Variants in ELMO1 observed in about 807,000 individuals in gnomAD.
ELMO1 encodes the protein engulfment and cell motility 1.
A neutral mutation model predicts 98.9 loss-of-function variants in ELMO1; 26 were observed. The ratio of observed to expected loss-of-function variants is 0.26; its 90% CI spans 0.19 to 0.36. ELMO1 has a LOEUF of 0.36. Among genes scored for constraint, ELMO1 ranks in the 10% least tolerant of loss-of-function variants. The pLI is 1.00. For missense variants in ELMO1, 627 were observed against 935.2 expected (o/e 0.67, Z 4.30); for synonymous variants, 346 against 346.0 (o/e 1.00, Z 0.00).
chr7:36,885,223 A>T (rs1804848629), intron 18 of ELMO1, among the ~76,000 whole-genome samples: 1 of 152,198 alleles, frequency 6.6e-6, no homozygotes. Flanking sequence ...AGCTCAACTC[A>T]TAAATTTATA....
chr7:36,976,030 C>T (rs1235486858), intron 16 of ELMO1, among the ~76,000 whole-genome samples: 9 of 152,052 alleles, frequency 5.9e-5, no homozygotes, highest in African/African-American at 2.2e-4. Flanking sequence ...ATGTAAAAGC[C>T]GAAATACTAA....
intron 15 of ELMO1, among the ~76,000 whole-genome samples, chr7:37,060,434 A>C (rs1417801757): frequency 1.3e-5 from 2 of 152,146 alleles, no homozygotes; most frequent in East Asian, 3.9e-4. Context: ...GCATATTCTC[A>C]CTTATAAGTG....
At position 37,082,750 on chromosome 7, in the gene ELMO1, G is replaced by A. The variant is rs1037920389; in HGVS notation, c.1300+13869C>T. On this transcript the variant is annotated intron_variant, in intron 15 of 21. Transcript: ENST00000310758. ...AAACAAACAAACAAACAAACAAACA[G>A]AAAAGCCCATTTTGCTTAATTCTCT... 2.1e-5 allele frequency among the ~76,000 whole-genome samples: 3 copies of A among 144,380 alleles called. No homozygotes were observed. The South Asian group carries it at 6.7e-4, about 32-fold the overall frequency. 94.7% of individuals were successfully genotyped at this position (144,380 alleles called of 152,430 possible).
At chr7:37,089,349 C>T (rs1783948469) in intron 15 of ELMO1, among the ~76,000 whole-genome samples, 1 of 151,682 alleles carries the variant, frequency 6.6e-6, no homozygotes. Context: ...TTCTTTCTTG[C>T]TTTTTTTTAA....
At chr7:37,237,250 T>C (rs566409254) in intron 7 of ELMO1, among the ~76,000 whole-genome samples, 4 of 152,342 alleles carry the variant, frequency 2.6e-5, no homozygotes, top group African/African-American at 9.6e-5. Flanking sequence ...TGCTTCCAAA[T>C]GTTTCCATGG....
intron 16 of ELMO1, among the ~76,000 whole-genome samples, chr7:36,936,463 T>A (rs1786540879): frequency 1.3e-5 from 2 of 152,122 alleles, no homozygotes; most frequent in South Asian, 4.1e-4. Context: ...GATTTTTTAG[T>A]TTTATTTTTT....
intron 6 of ELMO1, among the ~76,000 whole-genome samples, chr7:37,249,666 T>C (rs1158074484): frequency 1.3e-5 from 2 of 152,358 alleles, no homozygotes; most frequent in East Asian, 3.9e-4. Flanking sequence ...TGCAAGCTAT[T>C]GGGCTATTCT....
At chr7:37,164,481 T>G (rs908756311) in intron 13 of ELMO1, among the ~76,000 whole-genome samples, 2 of 152,254 alleles carry the variant, frequency 1.3e-5, no homozygotes, top group Non-Finnish European at 2.9e-5. Context: ...GTCTAACATT[T>G]AAATCTTTAA....
chr7:37,166,624 C>T (rs1449971718), intron 13 of ELMO1, among the ~76,000 whole-genome samples: 1 of 152,122 alleles, frequency 6.6e-6, no homozygotes, highest in African/African-American at 2.4e-5. Context: ...GCAGGTTGTT[C>T]AGTTTCCATG....
chr7:37,204,283 C>A (rs569052705), intron 13 of ELMO1: 17 of 451,318 alleles, frequency 3.8e-5, no homozygotes, highest in Middle Eastern at 1.3e-3. Context: ...GAGTTTGTTC[C>A]TTCTGATGTT....
In ELMO1 at chr7:36,855,179, G is replaced by A; in HGVS notation, c.*372C>T. 1 of 275,978 alleles carries A rather than the reference G, an allele frequency of 3.6e-6. No individual in the cohort carries two copies. Among genetic ancestry groups the A allele is most frequent in the Non-Finnish European group, 7.0e-6 (1 of 142,196 alleles). 17.1% of individuals were successfully genotyped at this position (275,978 alleles called of 1,614,324 possible). Reference sequence around the variant, plus strand: ...TTGGGGCACTGCCCTTGGTCTGGTGGGCAAGTTTTTGGGCAGTCTGGGGCT... The same window carrying A: ...TTGGGGCACTGCCCTTGGTCTGGTGAGCAAGTTTTTGGGCAGTCTGGGGCT... On this transcript the variant is annotated 3_prime_UTR_variant, in exon 22 of 22. Coordinates refer to ENST00000310758, the MANE Select transcript of ELMO1 (RefSeq NM_014800.11). The surrounding 1 kb of genome is among the most constrained non-coding windows in gnomAD (Gnocchi z 4.2).
intron 14 of ELMO1, among the ~76,000 whole-genome samples, chr7:37,102,703 C>T (rs1356756336): frequency 3.3e-5 from 5 of 152,218 alleles, no homozygotes. Context: ...ACTAAGCCAT[C>T]TCACTGTACA....
intron 1 of ELMO1, among the ~76,000 whole-genome samples, chr7:37,401,846 T>C (rs1429652805): frequency 6.6e-6 from 1 of 152,174 alleles, no homozygotes; most frequent in Non-Finnish European, 1.5e-5. Context: ...GAGAGACTCC[T>C]TCCCTATACC....
intron 15 of ELMO1, among the ~76,000 whole-genome samples, chr7:37,082,077 A>C (rs1797892299): frequency 1.3e-5 from 2 of 152,210 alleles, no homozygotes; most frequent in Non-Finnish European, 2.9e-5. Context: ...ACTTGCAGAA[A>C]TGTTAATAGC....
intron 14 of ELMO1, among the ~76,000 whole-genome samples, chr7:37,129,791 T>A (rs1358629910): frequency 2.6e-5 from 4 of 152,212 alleles, no homozygotes. Flanking sequence ...ATTCTCATCT[T>A]CATTTAAAAC....
intron 1 of ELMO1, among the ~76,000 whole-genome samples, chr7:37,406,580 C>G (rs1803774766): frequency 6.6e-6 from 1 of 151,922 alleles, no homozygotes; most frequent in Admixed American, 6.6e-5. Context: ...CAGGCAGCTA[C>G]CATCACGCCC....
chr7:37,389,481 A>T (rs1284628747), intron 1 of ELMO1, among the ~76,000 whole-genome samples: 1 of 152,226 alleles, frequency 6.6e-6, no homozygotes, highest in Admixed American at 6.5e-5. Flanking sequence ...CATGTAGACC[A>T]GTATGTCTAT....
chr7:36,893,600 CCT>C (rs1255920062), intron 17 of ELMO1, among the ~76,000 whole-genome samples: 17 of 152,298 alleles, frequency 1.1e-4, no homozygotes, highest in African/African-American at 3.6e-4. Flanking sequence ...TAGCTATTGT[CCT>C]TTTAGACCTG....
chr7:37,056,342 A>T (rs1321454964), intron 15 of ELMO1, among the ~76,000 whole-genome samples: 3 of 152,224 alleles, frequency 2.0e-5, no homozygotes, highest in African/African-American at 4.8e-5. Context: ...GTTCACAACG[A>T]GATAAATAAT....
Sources: allele counts gnomAD v4.1 joint callset (sites outside exome capture counted in the v4.1 genomes callset), GRCh38; gene constraint gnomAD v4.1.1; non-coding constraint Gnocchi (gnomAD v3.1); transcripts MANE v1.5; gene names NCBI Gene and HGNC (gene_info 2026-07-23, HGNC 2026-07-21).